Variants in MYO6 observed in about 807,000 individuals in gnomAD.
The protein encoded by MYO6 is myosin VI.
In MYO6, 74 loss-of-function variants were observed where a neutral mutation model predicts 178.7. The ratio of observed to expected loss-of-function variants is 0.41; its 90% CI spans 0.34 to 0.50. The LOEUF (loss-of-function observed/expected upper bound fraction) is 0.50. MYO6 is among the 20% of genes least tolerant of loss of function. The pLI, the probability that MYO6 is intolerant of heterozygous loss-of-function variation, is 0.09. For synonymous variants in MYO6, 477 were observed against 504.6 expected (o/e 0.95, Z 0.73); for missense variants, 1,330 against 1,547.4 (o/e 0.86, Z 2.36).
intron 24 of MYO6, 61 bp downstream of exon 24, chr6:75,886,155 C>A: frequency 8.7e-7 from 1 of 1,148,960 alleles, no homozygotes; most frequent in Non-Finnish European, 1.3e-6. Flanking sequence ...TACAAAATGA[C>A]AATAAAGTCA....
At chr6:75,846,543 GA>G (rs1774743005) in intron 10 of MYO6, among the ~76,000 whole-genome samples, 2 of 152,178 alleles carry the variant, frequency 1.3e-5, no homozygotes, top group Non-Finnish European at 1.5e-5. Context: ...TACAGAATCT[GA>G]ATTACAAACT....
Position 75,832,925 on chromosome 6 carries a change from G to A in MYO6, c.475G>A (p.Glu159Lys), listed in dbSNP as rs201507590. 2.7e-4 allele frequency: 441 copies of A among 1,613,254 alleles called. 4 individuals are homozygous for A. The highest frequency in any genetic ancestry group is 2.0e-4 in the South Asian group (18 of 91,064). ...TGGAGAATCAGGAGCCGGCAAAACA[G>A]AAAATACAAAATTTGTTCTAAGGTG... Reference protein sequence around the residue: ...VSGESGAGKTENTKFVLRYLT... With the variant: ...VSGESGAGKTKNTKFVLRYLT... The change falls in exon 6 of 35, where the codon GAA (glutamate) becomes AAA (lysine). Residue 159 changes from glutamate (E) to lysine (K), a missense_variant. This residue lies in a region of MYO6 where 613 missense variants were observed against 816.8 expected (regional missense o/e 0.75). Transcript: ENST00000369977.
rs1780510871 is a variant in MYO6, at chr6:75,908,440, G to A, written c.3281-56G>A. The A allele has an allele frequency of 1.9e-6, 3 of 1,543,940 alleles. No homozygotes were observed. The East Asian group carries it at 6.8e-5, about 35-fold the overall frequency. On this transcript the variant is annotated intron_variant, in intron 31 of 34. Coordinates refer to ENST00000369977, the MANE Select transcript of MYO6 (RefSeq NM_004999.4). ...TGCGACAGAATAATTATATCATTATGTTAGACGAATAAATTAACATGTCAA... is the reference window on the plus strand; with the variant it reads ...TGCGACAGAATAATTATATCATTATATTAGACGAATAAATTAACATGTCAA...
intron 19 of MYO6, among the ~76,000 whole-genome samples, chr6:75,872,065 G>T (rs1053373664): frequency 6.6e-6 from 1 of 152,038 alleles, no homozygotes; most frequent in Non-Finnish European, 1.5e-5. Context: ...GGAGGCGGAG[G>T]TTGCAGTGAG....
rs202082311 is a variant in MYO6 at position 75,804,982 on chromosome 6, CAT to C, written c.-47-12509_-47-12508del. 0.011 allele frequency among the ~76,000 whole-genome samples: 1,464 copies of C among 131,078 alleles called. 35 individuals carry two copies. The East Asian group carries it at 0.11, about 10-fold the overall frequency. The allele number at this position is 131,078 out of a possible 152,430, so 86.0% of individuals were successfully genotyped here. ...ACATATATACACATATATACACACA[CAT>C]ATATATATACACACACACATATATA... On this transcript the variant is annotated intron_variant, in intron 1 of 34. Transcript: ENST00000369977.
intron 3 of MYO6, 87 bp downstream of exon 3, chr6:75,822,938 C>A: frequency 9.7e-7 from 1 of 1,034,634 alleles, no homozygotes; most frequent in South Asian, 1.3e-5. Flanking sequence ...ATAACTGATA[C>A]ACTGTGCGGG....
rs201670695 is a variant in MYO6 at position 75,862,672 on chromosome 6, A to G, written c.1623A>G (p.Gln541=). The change falls in exon 16 of 35, where the codon CAA becomes CAG. Residue 541 remains glutamine (Q), a synonymous_variant. Transcript: ENST00000369977. The part of the protein sequence containing the change: ...EENRLPQPSD[Q]HFTSAVHQKH... ...ATCGCCTTCCCCAGCCAAGTGATCA[A>G]CACTTTACATCTGCAGTTCACCAAA... 13 of 1,614,136 alleles carry G rather than the reference A, an allele frequency of 8.1e-6. No individual in the cohort carries two copies. In the Middle Eastern group the frequency reaches 5.0e-4, roughly 61 times the overall value.
intron 1 of MYO6, among the ~76,000 whole-genome samples, chr6:75,788,952 A>G (rs987936086): frequency 1.1e-4 from 17 of 152,240 alleles, no homozygotes; most frequent in Admixed American, 7.2e-4. Flanking sequence ...TTTGAAAAGC[A>G]AAGGCAACAT....
intron 2 of MYO6, among the ~76,000 whole-genome samples, chr6:75,821,624 T>TATACAC (rs1771877272): frequency 6.6e-6 from 1 of 150,892 alleles, no homozygotes; most frequent in Non-Finnish European, 1.5e-5. Context: ...GTTGTAGCTT[T>TATACAC]ACACACACAC....
Position 75,886,063 on chromosome 6 carries a change from A to T in MYO6, c.2476A>T (p.Met826Leu). 6.2e-7 allele frequency: 1 copy of T among 1,612,736 alleles called. No individual in the cohort carries two copies. Among genetic ancestry groups the T allele is most frequent in the Non-Finnish European group, 8.5e-7 (1 of 1,179,046 alleles). The stretch of plus-strand genomic sequence containing the variant: ...CATTAAAATGCAAAAAACTATTCGA[A>T]TGTGGCTTTGCAAGAGGAGACACAA... ...ACIKMQKTIRMWLCKRRHKPR... is the reference protein window; with the variant it reads ...ACIKMQKTIRLWLCKRRHKPR... The change falls in exon 24 of 35, where the codon ATG (methionine) becomes TTG (leucine). Residue 826 changes from methionine to leucine, a missense_variant. By Grantham distance (15) the Met-to-Leu change is conservative. Around this residue, in one of 3 missense-constraint regions of MYO6, gnomAD observed 601 missense variants for 626.1 expected, o/e 0.96. Coordinates refer to ENST00000369977, the MANE Select transcript of MYO6 (RefSeq NM_004999.4).
At position 75,755,697 on chromosome 6, in the gene MYO6, T is replaced by G. The variant is rs532254299; in HGVS notation, c.-48+6274T>G. 2.0e-5 allele frequency among the ~76,000 whole-genome samples: 3 copies of G among 152,344 alleles called. No individual in the cohort carries two copies. The South Asian group carries it at 6.2e-4, about 32-fold the overall frequency. ...TCTTTGTAAAGACTCACTAAAGAACTGTGTGTGCGTCTGTGTTGGTTCCTT... is the reference window on the plus strand; with the variant it reads ...TCTTTGTAAAGACTCACTAAAGAACGGTGTGTGCGTCTGTGTTGGTTCCTT... On this transcript the variant is annotated intron_variant, in intron 1 of 34. Coordinates refer to ENST00000369977, the MANE Select transcript of MYO6 (RefSeq NM_004999.4).
chr6:75,830,381 T>C lies in MYO6; in HGVS notation c.262-35T>C, dbSNP rs201379600. 1.0e-5 allele frequency: 16 copies of C among 1,579,128 alleles called. No homozygotes were observed. The South Asian group carries it at 1.6e-4, about 16-fold the overall frequency. On this transcript the variant is annotated intron_variant, in intron 4 of 34. Transcript: ENST00000369977. ...GTTTATCTTTAAATGAAAATAGTAA[T>C]TGGAATATTTTATGTTTATGCTTTT...
chr6:75,887,365 C>A (rs56006932), intron 25 of MYO6, among the ~76,000 whole-genome samples: 1 of 152,142 alleles, frequency 6.6e-6, no homozygotes, highest in South Asian at 2.1e-4. Context: ...AGTTGGAGGC[C>A]ATACATGGTG....
chr6:75,907,525 A>G (rs1581992994), intron 30 of MYO6, 80 bp from the exon 31 acceptor site: 1 of 1,115,528 alleles, frequency 9.0e-7, no homozygotes, highest in Non-Finnish European at 1.4e-6. Context: ...TTTCAAACTT[A>G]TGCATGCTTT....
chr6:75,854,821 GAGTT>G (rs1775595795), intron 11 of MYO6, among the ~76,000 whole-genome samples: 1 of 152,048 alleles, frequency 6.6e-6, no homozygotes, highest in Non-Finnish European at 1.5e-5. Flanking sequence ...TTTCTCTAAA[GAGTT>G]AATATATTGA....
intron 1 of MYO6, among the ~76,000 whole-genome samples, chr6:75,795,213 C>T (rs1050588330): frequency 7.9e-5 from 12 of 152,160 alleles, no homozygotes; most frequent in African/African-American, 2.9e-4. Flanking sequence ...TAAAAGAAAT[C>T]ATCCTATGTT....
chr6:75,848,042 T>C (rs1583264356), intron 10 of MYO6, among the ~76,000 whole-genome samples: 1 of 152,256 alleles, frequency 6.6e-6, no homozygotes, highest in East Asian at 1.9e-4. Flanking sequence ...CTTTTTCTAA[T>C]ATGCTAGGAT....
At chr6:75,889,929 A>G (rs1778769613) in intron 25 of MYO6, 128 bp from the exon 26 acceptor site, 1 of 748,110 alleles carries the variant, frequency 1.3e-6, no homozygotes, top group African/African-American at 1.8e-5. Context: ...ATTGTAAAAA[A>G]CAATAAAAAC....
intron 1 of MYO6, among the ~76,000 whole-genome samples, chr6:75,778,080 A>G (rs1766570016): frequency 6.6e-6 from 1 of 152,100 alleles, no homozygotes; most frequent in Non-Finnish European, 1.5e-5. Flanking sequence ...AGCTGATCTT[A>G]AACTCCTGGG....
Sources: allele counts gnomAD v4.1 joint callset (sites outside exome capture counted in the v4.1 genomes callset), GRCh38; gene constraint gnomAD v4.1.1; regional missense constraint gnomAD v4.1.1; transcripts MANE v1.5; gene names NCBI Gene and HGNC (gene_info 2026-07-23, HGNC 2026-07-21).